Variants in ZNF585A observed in about 807,000 individuals in gnomAD.
ZNF585A encodes zinc finger protein 585A.
In ZNF585A, 9 loss-of-function variants were observed where a neutral mutation model predicts 14.9. That is an observed-to-expected ratio of 0.60 (90% CI 0.36 to 1.05). The LOEUF (loss-of-function observed/expected upper bound fraction) is 1.05, where lower values mean the gene tolerates loss of function less well. Ranked by LOEUF, ZNF585A falls within the 50% of genes least tolerant of loss-of-function variation. ZNF585A has a pLI of 0.01. For missense variants in ZNF585A, 726 were observed against 926.4 expected, an observed-to-expected ratio of 0.78 and a Z score of 2.81; for synonymous variants, 276 against 319.9, an observed-to-expected ratio of 0.86 and a Z score of 1.46.
chr19:37,151,222 T>C lies in ZNF585A; in HGVS notation c.*367A>G. 1 of 413,088 alleles carries C rather than the reference T, an allele frequency of 2.4e-6. No homozygotes were observed. Among genetic ancestry groups the C allele is most frequent in the Non-Finnish European group, 4.3e-6 (1 of 233,464 alleles). 25.6% of individuals were successfully genotyped at this position (413,088 alleles called of 1,614,324 possible). On this transcript the variant is annotated 3_prime_UTR_variant, in exon 5 of 5. Transcript: ENST00000292841. ...CGTATTATGTTGTTTTATCATTCAA[T>C]TTGTTGGCACTATACCTAATCCACA...
Position 37,152,733 on chromosome 19 carries a change from T to C in ZNF585A, c.1166A>G (p.Lys389Arg), listed in dbSNP as rs140880623. The C allele has an allele frequency of 5.9e-4, 960 of 1,613,900 alleles. 12 individuals are homozygous for C. Among genetic ancestry groups the C allele is most frequent in the South Asian group, 4.6e-3 (420 of 91,074 alleles). ...EKPYECSDCG[K>R]AFTQKSALTV... ...GAGTGCTGACTTCTGAGTGAAGGCT[T>C]TCCCACAGTCACTGCATTCATAAGG... Residue 389 changes from lysine (K) to arginine (R), a missense_variant, in exon 5 of 5, where the codon AAA (lysine) becomes AGA (arginine). By Grantham distance (26) the Lys-to-Arg change is conservative. Around this residue, in one of 2 missense-constraint regions of ZNF585A, gnomAD observed 483 missense variants for 542.8 expected, o/e 0.89. Coordinates refer to ENST00000292841, the MANE Select transcript of ZNF585A (RefSeq NM_001288800.2).
At chr19:37,156,205 A>T (rs775864298) in intron 3 of ZNF585A, 24 bp downstream of exon 3, 1 of 1,610,154 alleles carries the variant, frequency 6.2e-7, no homozygotes, top group Non-Finnish European at 8.5e-7. Flanking sequence ...GCCTCCTTTC[A>T]GATACCAAGG....
In ZNF585A at chr19:37,153,622, CA is replaced by C. The variant is rs781346740; in HGVS notation, c.293-17del. Reference sequence around the variant, plus strand: ...AATTTCTCTCCTGTTGGAATACACTCATGGTTACTATAGGAAGACATTTTAT... The same window carrying C: ...AATTTCTCTCCTGTTGGAATACACTCTGGTTACTATAGGAAGACATTTTAT... On this transcript the variant is annotated splice_polypyrimidine_tract_variant and intron_variant, in intron 4 of 4. Transcript: ENST00000292841. The C allele has an allele frequency of 2.6e-5, 40 of 1,563,616 alleles. No individual in the cohort carries two copies. The Admixed American group carries it at 7.2e-4, about 28-fold the overall frequency.
chr19:37,162,944 T>C (rs1285095321), intron 2 of ZNF585A, among the ~76,000 whole-genome samples: 1 of 152,010 alleles, frequency 6.6e-6, no homozygotes, highest in Non-Finnish European at 1.5e-5. Context: ...TTAACCTATA[T>C]AACAAACCTG....
At chr19:37,161,093 C>A (rs58932518) in intron 2 of ZNF585A, among the ~76,000 whole-genome samples, 19,239 of 151,910 alleles carry the variant, frequency 0.13, 2,445 homozygotes, top group African/African-American at 0.33. Flanking sequence ...ATAATCTCTT[C>A]CAGAAAATAA....
At position 37,153,427 on chromosome 19, in the gene ZNF585A, A is replaced by C; in HGVS notation, c.472T>G (p.Tyr158Asp). The change falls in exon 5 of 5, where the codon TAT (tyrosine) becomes GAT (aspartate). Residue 158 changes from tyrosine (Y) to aspartate (D), a missense_variant. Around this residue, in one of 2 missense-constraint regions of ZNF585A, gnomAD observed 483 missense variants for 542.8 expected, o/e 0.89. Transcript: ENST00000292841. Reference sequence around the variant, plus strand: ...GCCTTCCCACATTCAATGCATACATAGAGCTTTTCTCCTGCAAGAACTTTC... The same window carrying C: ...GCCTTCCCACATTCAATGCATACATCGAGCTTTTCTCCTGCAAGAACTTTC... Reference protein sequence around the residue: ...HLKVLAGEKLYVCIECGKAFV... With the variant: ...HLKVLAGEKLDVCIECGKAFV... 1 of 1,614,182 alleles carries C rather than the reference A, an allele frequency of 6.2e-7. No individual in the cohort carries two copies. The highest frequency in any genetic ancestry group is 8.5e-7 in the Non-Finnish European group (1 of 1,180,038).
chr19:37,156,253 T>A lies in ZNF585A; in HGVS notation c.175A>T (p.Thr59Ser), dbSNP rs375071724. The A allele has an allele frequency of 1.9e-6, 3 of 1,613,970 alleles. No individual in the cohort carries two copies. Among genetic ancestry groups the A allele is most frequent in the Non-Finnish European group, 2.5e-6 (3 of 1,180,006 alleles). ...RNLYRDVMLETYSHLLSVGYQ... is the reference protein window; with the variant it reads ...RNLYRDVMLESYSHLLSVGYQ... ...CCTACTGAGAGCAGGTGGCTGTAGG[T>A]CTCCAGCATCACATCCCGGTACAGG... Residue 59 changes from threonine (T) to serine (S), a missense_variant, in exon 3 of 5, where the codon ACC (threonine) becomes TCC (serine). Thr to Ser is a moderately conservative substitution (Grantham distance 58, BLOSUM62 1). Transcript: ENST00000292841.
At chr19:37,161,758 T>C (rs1972016646) in intron 2 of ZNF585A, among the ~76,000 whole-genome samples, 1 of 152,228 alleles carries the variant, frequency 6.6e-6, no homozygotes, top group Admixed American at 6.6e-5. Flanking sequence ...ATCTTCCTTT[T>C]GATTTTCTTA....
chr19:37,170,177 TTCAAG>T (rs1469242721), intron 1 of ZNF585A, 123 bp from the exon 2 acceptor site: 12 of 383,996 alleles, frequency 3.1e-5, no homozygotes, highest in Admixed American at 1.5e-4. Context: ...TGGGTATGCA[TTCAAG>T]TTACCTGGAG....
At chr19:37,164,267 G>A (rs1276241352) in intron 2 of ZNF585A, among the ~76,000 whole-genome samples, 2 of 152,030 alleles carry the variant, frequency 1.3e-5, no homozygotes, top group Non-Finnish European at 2.9e-5. Context: ...GCAGGGCGTG[G>A]TGGCGGGCGC....
intron 2 of ZNF585A, among the ~76,000 whole-genome samples, chr19:37,168,913 G>A (rs945728548): frequency 6.6e-6 from 1 of 152,158 alleles, no homozygotes; most frequent in Non-Finnish European, 1.5e-5. Context: ...ATAGAACTAA[G>A]CAATCAAAGA....
Position 37,149,199 on chromosome 19 carries a change from C to A in ZNF585A, c.*2390G>T, listed in dbSNP as rs1375395627. The A allele has an allele frequency of 6.6e-6, 1 of 152,024 alleles. No individual in the cohort carries two copies. Among genetic ancestry groups the A allele is most frequent in the African/African-American group, 2.4e-5 (1 of 41,400 alleles). 9.4% of individuals were successfully genotyped at this position (152,024 alleles called of 1,614,324 possible). A position where few individuals can be genotyped will look rare whatever the true frequency, so the allele number is the denominator to read the frequency against. On this transcript the variant is annotated 3_prime_UTR_variant, in exon 5 of 5. Coordinates refer to ENST00000292841, the MANE Select transcript of ZNF585A (RefSeq NM_001288800.2). ...GTCAGTGGAGGTTCACCAATTGTAA[C>A]AAATATACTACTCTGAGAGGAATGC...
At chr19:37,169,732 G>T in intron 2 of ZNF585A, 107 bp downstream of exon 2, 1 of 1,349,540 alleles carries the variant, frequency 7.4e-7, no homozygotes, top group Non-Finnish European at 1.0e-6. Flanking sequence ...GAGTCCAGCT[G>T]CTTCCTGTGG....
intron 2 of ZNF585A, among the ~76,000 whole-genome samples, chr19:37,157,952 G>A (rs989310051): frequency 1.3e-5 from 2 of 149,360 alleles, no homozygotes; most frequent in Non-Finnish European, 1.5e-5. Context: ...GCAGTGGTGC[G>A]ATCTCGGCTC....
chr19:37,169,337 G>A (rs1972144563), intron 2 of ZNF585A, among the ~76,000 whole-genome samples: 1 of 150,526 alleles, frequency 6.6e-6, no homozygotes, highest in African/African-American at 2.4e-5. Context: ...AGGGCTGGAA[G>A]GCAAATGTGA....
Position 37,146,848 on chromosome 19 carries a change from CCCT to C in ZNF585A, c.*4738_*4740del, listed in dbSNP as rs1333533933. 6.6e-6 allele frequency: 1 copy of C among 152,174 alleles called. No individual in the cohort carries two copies. The highest frequency in any genetic ancestry group is 1.5e-5 in the Non-Finnish European group (1 of 68,150). 9.4% of individuals were successfully genotyped at this position (152,174 alleles called of 1,614,324 possible). ...AGGTAGGATACTCAGTTTGGTACTGCCCTGACATGGAGTTAGAGCTGGGTGTGC... is the reference window on the plus strand; with the variant it reads ...AGGTAGGATACTCAGTTTGGTACTGCGACATGGAGTTAGAGCTGGGTGTGC... On this transcript the variant is annotated 3_prime_UTR_variant, in exon 5 of 5. Coordinates refer to ENST00000292841, the MANE Select transcript of ZNF585A (RefSeq NM_001288800.2).
chr19:37,167,582 C>CA (rs1385730735), intron 2 of ZNF585A, among the ~76,000 whole-genome samples: 3 of 145,672 alleles, frequency 2.1e-5, no homozygotes, highest in African/African-American at 8.0e-5. Context: ...GAGCCTTTTA[C>CA]TTTTTATTTT....
rs776202851 is a variant in ZNF585A at position 37,152,805 on chromosome 19, T to C, written c.1094A>G (p.Tyr365Cys). ...ICTECGKAFT[Y>C]RSELIIHQRI... ...CTGATGAATAATCAACTCTGACCTG[T>C]AGGTAAAGGCCTTCCCACACTCAGT... Residue 365 changes from tyrosine to cysteine, a missense_variant, in exon 5 of 5, where the codon TAC becomes TGC. Transcript: ENST00000292841. 6 of 1,614,124 alleles carry C rather than the reference T, an allele frequency of 3.7e-6. No individual in the cohort carries two copies. The highest frequency in any genetic ancestry group is 4.2e-6 in the Non-Finnish European group (5 of 1,179,986).
Position 37,171,410 on chromosome 19 carries a change from T to C in ZNF585A, c.-145+1217A>G, listed in dbSNP as rs548390336. Among the ~76,000 whole-genome samples, 19 of 152,238 alleles carry C rather than the reference T, an allele frequency of 1.2e-4. No individual in the cohort carries two copies. The South Asian group carries it at 3.9e-3, about 32-fold the overall frequency. On this transcript the variant is annotated intron_variant, in intron 1 of 4. Transcript: ENST00000292841. Reference sequence around the variant, plus strand: ...AGGAAACAAATGGCAATTAACCAAATAAGATGCCAACTTTAGTAACTGGAA... The same window carrying C: ...AGGAAACAAATGGCAATTAACCAAACAAGATGCCAACTTTAGTAACTGGAA...
Sources: gnomAD v4.1 joint callset for allele counts (sites outside exome capture counted in the v4.1 genomes callset) on GRCh38, gnomAD v4.1.1 for gene constraint, gnomAD v4.1.1 regional missense constraint, MANE v1.5 for transcripts, NCBI Gene and HGNC (gene_info 2026-07-23, HGNC 2026-07-21) for gene names.